KDM4C: variants seen among roughly 807,000 people sequenced by gnomAD.
KDM4C encodes the protein lysine demethylase 4C.
In KDM4C, 81 loss-of-function variants were observed where a neutral mutation model predicts 129.3. That is an observed-to-expected ratio of 0.63 (90% CI 0.52 to 0.75). The LOEUF (loss-of-function observed/expected upper bound fraction) is 0.75. Ranked by LOEUF, KDM4C falls within the 30% of genes least tolerant of loss-of-function variation. The pLI is 0.00. For missense variants in KDM4C, 1,457 were observed against 1,304.0 expected (o/e 1.12, Z -1.81); for synonymous variants, 573 against 456.1 (o/e 1.26, Z -3.26).
intron 16 of KDM4C, among the ~76,000 whole-genome samples, chr9:7,047,603 A>G (rs1234474346): frequency 6.6e-6 from 1 of 152,010 alleles, no homozygotes; most frequent in African/African-American, 2.4e-5. Context: ...ACATGTCAAA[A>G]TAACCTGGGC....
At chr9:6,783,728 A>G (rs556852941) in intron 1 of KDM4C, among the ~76,000 whole-genome samples, 1 of 152,306 alleles carries the variant, frequency 6.6e-6, no homozygotes, top group South Asian at 2.1e-4. Flanking sequence ...TTCTGGTTTC[A>G]GAGGCTGCAG....
At chr9:7,088,270 T>C (rs1835381888) in intron 17 of KDM4C, among the ~76,000 whole-genome samples, 1 of 152,222 alleles carries the variant, frequency 6.6e-6, no homozygotes, top group South Asian at 2.1e-4. Flanking sequence ...AACCCTGGAA[T>C]GGGACCTAGG....
intron 4 of KDM4C, among the ~76,000 whole-genome samples, chr9:6,836,002 T>A (rs1376439902): frequency 6.6e-6 from 1 of 152,208 alleles, no homozygotes; most frequent in Non-Finnish European, 1.5e-5. Flanking sequence ...TAATACTTTT[T>A]AAGTTTGTTT....
intron 17 of KDM4C, among the ~76,000 whole-genome samples, chr9:7,092,794 C>T (rs978833578): frequency 6.6e-5 from 10 of 152,090 alleles, no homozygotes; most frequent in African/African-American, 2.4e-5. Flanking sequence ...AAGCGGTACA[C>T]GTCTTTTAGA....
chr9:6,839,733 T>C lies in KDM4C; in HGVS notation c.436-9774T>C, dbSNP rs557779181. Among the ~76,000 whole-genome samples, 21 of 152,088 alleles carry C rather than the reference T, an allele frequency of 1.4e-4. No homozygotes were observed. In the East Asian group the frequency reaches 3.7e-3, roughly 27 times the overall value. On this transcript the variant is annotated intron_variant, in intron 4 of 21. Transcript: ENST00000381309. ...CTGGCCAACATGGTGAAACCCTGTC[T>C]CTACTAAAACAAATAAAAATTAGCT...
intron 8 of KDM4C, among the ~76,000 whole-genome samples, chr9:6,914,211 C>T (rs1431342955): frequency 6.6e-6 from 1 of 152,110 alleles, no homozygotes; most frequent in African/African-American, 2.4e-5. Flanking sequence ...AGCCATGCGC[C>T]ACCATGTTCA....
intron 15 of KDM4C, among the ~76,000 whole-genome samples, chr9:7,046,308 TC>T (rs1829383768): frequency 6.6e-6 from 1 of 151,942 alleles, no homozygotes; most frequent in South Asian, 2.1e-4. Context: ...CTGGGGTTGA[TC>T]AGGACACTTT....
At chr9:6,805,853 G>T (rs1829873213) in intron 3 of KDM4C, 79 bp downstream of exon 3, 2 of 1,303,202 alleles carry the variant, frequency 1.5e-6, no homozygotes, top group Admixed American at 2.5e-5. Context: ...AGACAGAGGA[G>T]CTTATAAATG....
At chr9:7,085,648 A>T (rs1227833542) in intron 17 of KDM4C, among the ~76,000 whole-genome samples, 7 of 152,110 alleles carry the variant, frequency 4.6e-5, no homozygotes, top group Non-Finnish European at 8.8e-5. Context: ...CCCTGCTCAT[A>T]GGAGCGAGAG....
chr9:6,950,145 A>G (rs1827872547), intron 8 of KDM4C, among the ~76,000 whole-genome samples: 2 of 149,182 alleles, frequency 1.3e-5, no homozygotes, highest in African/African-American at 2.5e-5. Context: ...TTTACAGCAT[A>G]CAATGTGATG....
chr9:6,740,491 CTG>C (rs1817652943), intron 1 of KDM4C, among the ~76,000 whole-genome samples: 5 of 151,964 alleles, frequency 3.3e-5, no homozygotes, highest in Non-Finnish European at 7.4e-5. Flanking sequence ...GCGTGAGCCA[CTG>C]CGCCTGGCCT....
At chr9:6,833,322 T>C (rs1835254522) in intron 4 of KDM4C, among the ~76,000 whole-genome samples, 1 of 152,102 alleles carries the variant, frequency 6.6e-6, no homozygotes, top group Non-Finnish European at 1.5e-5. Flanking sequence ...AAACATCTTC[T>C]TGACAGGGAG....
chr9:6,752,332 CAAAAAA>C (rs1159747148), intron 1 of KDM4C, among the ~76,000 whole-genome samples: 624 of 19,186 alleles, frequency 0.033, 1 homozygote, highest in African/African-American at 0.1. Flanking sequence ...AACTCCGTCT[CAAAAAA>C]AAAAAAAAAA....
At chr9:7,056,111 A>C (rs1830829694) in intron 17 of KDM4C, among the ~76,000 whole-genome samples, 2 of 152,214 alleles carry the variant, frequency 1.3e-5, no homozygotes, top group Non-Finnish European at 2.9e-5. Flanking sequence ...GAGAAAACTT[A>C]TTGCTTAAAC....
chr9:6,968,339 A>C (rs1296088802), intron 8 of KDM4C, among the ~76,000 whole-genome samples: 2 of 152,138 alleles, frequency 1.3e-5, no homozygotes, highest in African/African-American at 2.4e-5. Context: ...TAAATGAAGA[A>C]ATGCCATCAA....
upstream of KDM4C, among the ~76,000 whole-genome samples, chr9:6,756,670 T>G (rs1322956934): frequency 1.3e-5 from 2 of 152,196 alleles, no homozygotes; most frequent in East Asian, 1.9e-4. Flanking sequence ...TAAGCCGAGA[T>G]AGCGCCATTG....
chr9:6,767,192 G>T (rs911382586), intron 1 of KDM4C, among the ~76,000 whole-genome samples: 1 of 151,800 alleles, frequency 6.6e-6, no homozygotes, highest in Non-Finnish European at 1.5e-5. Flanking sequence ...AGGCTGGAGT[G>T]CAGTGGCACG....
At chr9:6,862,073 A>G (rs1449229428) in intron 5 of KDM4C, among the ~76,000 whole-genome samples, 1 of 152,068 alleles carries the variant, frequency 6.6e-6, no homozygotes, top group African/African-American at 2.4e-5. Flanking sequence ...CGCCTGACCT[A>G]CAATATGTAT....
rs1232293945 is a variant in KDM4C at position 6,980,967 on chromosome 9, T to G, written c.964T>G (p.Phe322Val). The change falls in exon 9 of 22, where the codon TTT (phenylalanine) becomes GTT (valine). Residue 322 changes from phenylalanine (F) to valine (V), a missense_variant. Physicochemically the swap from Phe to Val is conservative, Grantham distance 50 (BLOSUM62 -1). Transcript: ENST00000381309. ...CATGGTGAAGATTTCAATGGATATC[T>G]TTGTGAGGAAATTTCAGCCAGACAG... The part of the protein sequence containing the change: ...KDMVKISMDI[F>V]VRKFQPDRYQ... 1 of 1,613,814 alleles carries G rather than the reference T, an allele frequency of 6.2e-7. No individual in the cohort carries two copies. Among genetic ancestry groups the G allele is most frequent in the Non-Finnish European group, 8.5e-7 (1 of 1,179,804 alleles).
Sources: allele counts gnomAD v4.1 joint callset (sites outside exome capture counted in the v4.1 genomes callset), GRCh38; gene constraint gnomAD v4.1.1; transcripts MANE v1.5; gene names NCBI Gene and HGNC (gene_info 2026-07-23, HGNC 2026-07-21).